Variants in NBEA observed in about 807,000 individuals in gnomAD.
NBEA encodes neurobeachin.
NBEA carries 44 observed loss-of-function variants against 343.4 expected under a neutral mutation model. The ratio of observed to expected loss-of-function variants is 0.13; its 90% CI spans 0.10 to 0.16. The LOEUF (loss-of-function observed/expected upper bound fraction) is 0.16, where lower values mean the gene tolerates loss of function less well. NBEA is among the 10% of genes least tolerant of loss of function. The pLI is 1.00. For synonymous variants in NBEA, 1,175 were observed against 1,238.7 expected (o/e 0.95, Z 1.08); for missense variants, 2,555 against 3,631.3 (o/e 0.70, Z 7.62).
At chr13:35,455,210 A>G (rs9593201) in intron 40 of NBEA, among the ~76,000 whole-genome samples, 206 of 152,216 alleles carry the variant, frequency 1.4e-3, no homozygotes, top group African/African-American at 4.9e-3. Flanking sequence ...TTATTTACAA[A>G]ACCCCGTTTT....
intron 34 of NBEA, among the ~76,000 whole-genome samples, chr13:35,282,654 C>T (rs888201965): frequency 1.3e-5 from 2 of 152,164 alleles, no homozygotes; most frequent in African/African-American, 4.8e-5. Context: ...ATTAGCAAGA[C>T]ACTCAGGTCA....
At chr13:35,123,271 C>T (rs1487337380) in intron 16 of NBEA, among the ~76,000 whole-genome samples, 2 of 152,202 alleles carry the variant, frequency 1.3e-5, no homozygotes, top group Non-Finnish European at 2.9e-5. Context: ...ACACCAGTCA[C>T]ATTGCCCTTT....
intron 38 of NBEA, among the ~76,000 whole-genome samples, chr13:35,395,548 A>G (rs9544241): frequency 0.16 from 23,690 of 152,034 alleles, 2,066 homozygotes; most frequent in East Asian, 0.44. Flanking sequence ...AGTCTCAGGT[A>G]TTTCTTTACA....
Position 35,452,284 on chromosome 13 carries a change from C to T in NBEA, c.6448+49C>T, listed in dbSNP as rs542678092. The T allele has an allele frequency of 4.8e-5, 67 of 1,390,578 alleles. No homozygotes were observed. In the African/African-American group the frequency reaches 9.1e-4, roughly 19 times the overall value. The allele number at this position is 1,390,578 out of a possible 1,614,324, so 86.1% of individuals were successfully genotyped here. A position where few individuals can be genotyped will look rare whatever the true frequency, so the allele number is the denominator to read the frequency against. On this transcript the variant is annotated intron_variant, in intron 40 of 58. Transcript: ENST00000379939. ...CTATTTGTTGTAAATAAACACAAAG[C>T]TACTGAATTCAAAATCTGTCTCCTA...
intron 17 of NBEA, among the ~76,000 whole-genome samples, chr13:35,131,885 G>A (rs2067449352): frequency 6.6e-6 from 1 of 152,094 alleles, no homozygotes. Context: ...AAATTGCAAG[G>A]TATTTGGAAG....
chr13:35,416,960 C>T (rs1459958081), intron 38 of NBEA, among the ~76,000 whole-genome samples: 1 of 152,000 alleles, frequency 6.6e-6, no homozygotes, highest in African/African-American at 2.4e-5. Flanking sequence ...CTGGTTTAGT[C>T]TTGGGAGGGT....
chr13:35,495,957 G>A (rs2076661087), intron 41 of NBEA, among the ~76,000 whole-genome samples: 1 of 151,960 alleles, frequency 6.6e-6, no homozygotes, highest in African/African-American at 2.4e-5. Flanking sequence ...GTCTAATTTG[G>A]ATGGTAGAGA....
At chr13:35,164,647 T>TG in intron 24 of NBEA, 138 bp downstream of exon 24, 1 of 910,518 alleles carries the variant, frequency 1.1e-6, no homozygotes. Flanking sequence ...AAATTTCTAT[T>TG]TCCACCACTT....
At chr13:35,086,891 T>C (rs2064797990) in intron 10 of NBEA, among the ~76,000 whole-genome samples, 3 of 152,188 alleles carry the variant, frequency 2.0e-5, no homozygotes, top group East Asian at 1.9e-4. Flanking sequence ...ATTCCTCTTA[T>C]GCTTAGTCAT....
chr13:35,394,616 G>A (rs2042657145), intron 38 of NBEA, among the ~76,000 whole-genome samples: 1 of 151,734 alleles, frequency 6.6e-6, no homozygotes, highest in Non-Finnish European at 1.5e-5. Context: ...TCTAGATCTT[G>A]GTATCTCCTC....
At chr13:34,999,333 CT>C (rs2061044776) in intron 1 of NBEA, among the ~76,000 whole-genome samples, 2 of 152,000 alleles carry the variant, frequency 1.3e-5, no homozygotes, top group Non-Finnish European at 2.9e-5. Context: ...AACATTTATC[CT>C]TTGGCTCCTT....
intron 1 of NBEA, among the ~76,000 whole-genome samples, chr13:34,960,096 G>A (rs1244331685): frequency 3.3e-5 from 5 of 152,090 alleles, no homozygotes; most frequent in Non-Finnish European, 5.9e-5. Flanking sequence ...CATGGGTGTT[G>A]TTGCCCCTGA....
At chr13:35,299,293 C>A (rs770870414) in intron 35 of NBEA, among the ~76,000 whole-genome samples, 3 of 152,006 alleles carry the variant, frequency 2.0e-5, no homozygotes, top group Non-Finnish European at 4.4e-5. Flanking sequence ...TGGATTGAAT[C>A]TCTAAGGACG....
intron 48 of NBEA, among the ~76,000 whole-genome samples, chr13:35,612,825 T>C (rs1593367177): frequency 6.6e-6 from 1 of 152,190 alleles, no homozygotes. Context: ...TGTTGGGTGG[T>C]AATGCAATCC....
chr13:35,194,344 C>A (rs2072424272), intron 30 of NBEA, among the ~76,000 whole-genome samples: 1 of 152,046 alleles, frequency 6.6e-6, no homozygotes, highest in Non-Finnish European at 1.5e-5. Flanking sequence ...TTGCTGACAT[C>A]AAGGTAGCCT....
rs544813016 is a variant in NBEA at position 35,273,466 on chromosome 13, C to G, written c.5777-16923C>G. The stretch of plus-strand genomic sequence containing the variant: ...ATTAAAAGAACTAGAGAAGCAAGAG[C>G]AAACAAGTTCAAAAACTAGCAGAAG... On this transcript the variant is annotated intron_variant, in intron 34 of 58. Transcript: ENST00000379939. 4.6e-5 allele frequency among the ~76,000 whole-genome samples: 7 copies of G among 152,070 alleles called. No individual in the cohort carries two copies. The East Asian group carries it at 1.2e-3, about 25-fold the overall frequency.
chr13:35,338,529 A>G (rs992180144), intron 36 of NBEA, among the ~76,000 whole-genome samples: 4 of 152,178 alleles, frequency 2.6e-5, no homozygotes, highest in Non-Finnish European at 5.9e-5. Context: ...GCTATCAAAC[A>G]TTTGAGACGA....
intron 41 of NBEA, among the ~76,000 whole-genome samples, chr13:35,543,509 C>T (rs2153007119): frequency 6.6e-6 from 1 of 152,270 alleles, no homozygotes; most frequent in Non-Finnish European, 1.5e-5. Context: ...ATTGGGAAAA[C>T]ATCTGACTTG....
chr13:35,600,404 A>G (rs1312329945), intron 47 of NBEA, among the ~76,000 whole-genome samples: 3 of 152,178 alleles, frequency 2.0e-5, no homozygotes, highest in Non-Finnish European at 4.4e-5. Flanking sequence ...TGCTAAAAAT[A>G]CTTGCATCAT....
Sources: gnomAD v4.1 joint callset for allele counts (sites outside exome capture counted in the v4.1 genomes callset) on GRCh38, gnomAD v4.1.1 for gene constraint, MANE v1.5 for transcripts, NCBI Gene and HGNC (gene_info 2026-07-23, HGNC 2026-07-21) for gene names.